Variants in RBBP8 observed in about 807,000 individuals in gnomAD.
RBBP8 encodes the protein DNA endonuclease RBBP8.
A neutral mutation model predicts 108.3 loss-of-function variants in RBBP8; 88 were observed. The ratio of observed to expected loss-of-function variants is 0.81; its 90% confidence interval spans 0.68 to 0.97. The LOEUF (loss-of-function observed/expected upper bound fraction) is 0.97. RBBP8 is among the 50% of genes least tolerant of loss of function. The probability of loss-of-function intolerance (pLI) is 0.00; values close to 1 mark genes in which losing one functional copy is unlikely to be tolerated. For synonymous variants in RBBP8, 332 were observed against 348.2 expected (o/e 0.95, Z 0.52); for missense variants, 1,023 against 1,049.0 (o/e 0.98, Z 0.34).
chr18:22,943,530 T>G lies in RBBP8; in HGVS notation c.110-2914T>G, dbSNP rs1598642675. On this transcript the variant is annotated intron_variant, in intron 2 of 18. Coordinates refer to ENST00000327155, the MANE Select transcript of RBBP8 (RefSeq NM_002894.3). ...CTGTAAATAATAAAATCCACAAAAA[T>G]TAATTTACCCATTTTGAGATAATTC... Among the ~76,000 whole-genome samples, 3 of 152,216 alleles carry G rather than the reference T, an allele frequency of 2.0e-5. No homozygotes were observed. In the South Asian group the frequency reaches 6.2e-4, roughly 32 times the overall value.
intron 2 of RBBP8, among the ~76,000 whole-genome samples, chr18:22,938,026 C>CT (rs1196857058): frequency 6.7e-6 from 1 of 149,648 alleles, no homozygotes; most frequent in Non-Finnish European, 1.5e-5. Context: ...AGAGTTTTGC[C>CT]TTTTTGCCCA....
chr18:22,937,136 G>T (rs1910643646), intron 2 of RBBP8, 176 bp downstream of exon 2: 2 of 1,325,808 alleles, frequency 1.5e-6, no homozygotes, highest in South Asian at 1.4e-5. Flanking sequence ...GTGTGCAAAT[G>T]ATTTCATCAC....
chr18:22,927,719 A>C (rs1459052772), intron 3 of RBBP8, among the ~76,000 whole-genome samples: 2 of 152,092 alleles, frequency 1.3e-5, no homozygotes, highest in African/African-American at 4.8e-5. Context: ...ATTTCACCTG[A>C]TTTTTACTTA....
intron 4 of RBBP8, 44 bp downstream of exon 4, chr18:22,949,757 A>G (rs1179399406): frequency 1.4e-6 from 2 of 1,386,872 alleles, no homozygotes; most frequent in East Asian, 2.3e-5. Flanking sequence ...GATTTCCTCC[A>G]TAATAAGAAG....
chr18:22,992,776 C>T lies in RBBP8; in HGVS notation c.949C>T (p.Pro317Ser). 1.9e-6 allele frequency: 3 copies of T among 1,596,752 alleles called. No individual in the cohort carries two copies. The highest frequency in any genetic ancestry group is 2.6e-6 in the Non-Finnish European group (3 of 1,164,466). Residue 317 changes from proline (P) to serine (S), a missense_variant, in exon 11 of 19, where the codon CCT (proline) becomes TCT (serine). Transcript: ENST00000327155. ...RFSDSTSKTPPQEELPTRVSS... is the reference protein window; with the variant it reads ...RFSDSTSKTPSQEELPTRVSS... ...TTCAGATTCTACTTCAAAGACTCCT[C>T]CTCAAGAAGAATTACCTACTCGAGT...
At chr18:22,917,713 T>C (rs1004100825) in intron 3 of RBBP8, among the ~76,000 whole-genome samples, 6 of 152,106 alleles carry the variant, frequency 3.9e-5, no homozygotes, top group African/African-American at 7.2e-5. Flanking sequence ...TAAGATATAA[T>C]GTTGGGGCCG....
intron 1 of RBBP8, among the ~76,000 whole-genome samples, chr18:22,914,658 A>G (rs897279297): frequency 6.6e-6 from 1 of 152,178 alleles, no homozygotes; most frequent in African/African-American, 2.4e-5. Flanking sequence ...GGCTGTTGCT[A>G]TATGGTAACA....
upstream of RBBP8, among the ~76,000 whole-genome samples, chr18:22,930,163 C>A (rs1300271856): frequency 6.6e-6 from 1 of 152,158 alleles, no homozygotes; most frequent in Non-Finnish European, 1.5e-5. Context: ...TAAATTGGTG[C>A]CTAGATATAC....
At chr18:22,937,224 A>G (rs777478494) in intron 2 of RBBP8, 10 of 457,362 alleles carry the variant, frequency 2.2e-5, no homozygotes, top group Non-Finnish European at 3.8e-5. Context: ...CTCCACCCTC[A>G]TGTAGGTCCC....
At chr18:23,018,541 G>A (rs908236683) in intron 17 of RBBP8, among the ~76,000 whole-genome samples, 1 of 152,146 alleles carries the variant, frequency 6.6e-6, no homozygotes, top group African/African-American at 2.4e-5. Context: ...ATATAAAATG[G>A]CATAGTACTT....
At chr18:22,951,897 A>G (rs1168952116) in intron 4 of RBBP8, among the ~76,000 whole-genome samples, 1 of 152,226 alleles carries the variant, frequency 6.6e-6, no homozygotes, top group Non-Finnish European at 1.5e-5. Flanking sequence ...AAGGATCCTA[A>G]ACACAGGAGC....
Position 22,956,743 on chromosome 18 carries a change from A to AC in RBBP8, c.248+7032dup, listed in dbSNP as rs1217255734. Among the ~76,000 whole-genome samples the AC allele has an allele frequency of 1.6e-4, 25 of 152,366 alleles. 1 individual carries two copies. In the Middle Eastern group the frequency reaches 0.01, roughly 62 times the overall value. On this transcript the variant is annotated intron_variant, in intron 4 of 18. Transcript: ENST00000327155. ...CTGAGATATTTCAATGAAGGGAATT[A>AC]CCTAGTAAAAGTAAATTAGATAATA...
intron 17 of RBBP8, among the ~76,000 whole-genome samples, chr18:23,020,354 G>A (rs2144839030): frequency 6.6e-6 from 1 of 152,148 alleles, no homozygotes; most frequent in African/African-American, 2.4e-5. Flanking sequence ...CCAGGAGGCA[G>A]AGGTTGCAGT....
intron 3 of RBBP8, among the ~76,000 whole-genome samples, chr18:22,917,994 T>A (rs1909429848): frequency 1.2e-5 from 1 of 82,370 alleles, no homozygotes; most frequent in African/African-American, 3.5e-5. Flanking sequence ...CAAGACTCCG[T>A]CTCAAAAAAA....
At chr18:22,922,031 G>C (rs1365037905) in intron 3 of RBBP8, among the ~76,000 whole-genome samples, 6 of 152,246 alleles carry the variant, frequency 3.9e-5, no homozygotes, top group African/African-American at 1.4e-4. Flanking sequence ...AGAGGGTCTA[G>C]TTACAAGAAG....
At chr18:22,975,063 T>TAAA (rs1355880626) in intron 5 of RBBP8, 90 bp from the exon 6 acceptor site, 9 of 1,407,866 alleles carry the variant, frequency 6.4e-6, no homozygotes, top group Non-Finnish European at 8.7e-6. Context: ...TACTAATTTC[T>TAAA]TCATACATGC....
intron 4 of RBBP8, among the ~76,000 whole-genome samples, chr18:22,952,856 C>T (rs1245334211): frequency 6.6e-6 from 1 of 152,174 alleles, no homozygotes; most frequent in Non-Finnish European, 1.5e-5. Context: ...CGTTTTTTCT[C>T]TCATTTCTAC....
chr18:22,957,291 C>CTTTTTTTTTTTTTTTTTTT (rs11418623), intron 4 of RBBP8, among the ~76,000 whole-genome samples: 28 of 92,858 alleles, frequency 3.0e-4, no homozygotes, highest in Admixed American at 8.8e-4. Context: ...ATTACTTTTT[C>CTTTTTTTTTTTTTTTTTTT]TTTTTTTTTT....
At chr18:23,008,768 G>GA (rs2046103181) in intron 16 of RBBP8, among the ~76,000 whole-genome samples, 1 of 88,746 alleles carries the variant, frequency 1.1e-5, no homozygotes, top group Non-Finnish European at 2.2e-5. Context: ...GTATGACTTT[G>GA]ATTTTTTTTT....
Sources: allele counts gnomAD v4.1 joint callset (sites outside exome capture counted in the v4.1 genomes callset), GRCh38; gene constraint gnomAD v4.1.1; transcripts MANE v1.5; gene names NCBI Gene and HGNC (gene_info 2026-07-23, HGNC 2026-07-21).